The following HDAC9 variants were observed in gnomAD, a reference collection of about 807,000 sequenced individuals.
The protein encoded by HDAC9 is histone deacetylase 9.
In HDAC9, 41 loss-of-function variants were observed where a neutral mutation model predicts 139.4. That is an observed-to-expected ratio of 0.29 (90% confidence interval 0.23 to 0.38). HDAC9 has a LOEUF of 0.38. Ranked by LOEUF, HDAC9 falls within the 10% of genes least tolerant of loss-of-function variation. The pLI is 1.00. For synonymous variants in HDAC9, 517 were observed against 476.2 expected (o/e 1.09, Z -1.12); for missense variants, 1,147 against 1,297.0 (o/e 0.88, Z 1.78).
intron 1 of HDAC9, among the ~76,000 whole-genome samples, chr7:18,145,307 T>C (rs1408286251): frequency 1.3e-5 from 2 of 152,194 alleles, no homozygotes; most frequent in Non-Finnish European, 2.9e-5. Flanking sequence ...ATAAGCAAGA[T>C]AATCTCATGG....
At chr7:18,597,020 G>A (rs1432268670) in intron 6 of HDAC9, among the ~76,000 whole-genome samples, 2 of 152,132 alleles carry the variant, frequency 1.3e-5, no homozygotes, top group East Asian at 3.9e-4. Context: ...GTGATAACCC[G>A]GGAACAGTTA....
chr7:18,327,458 C>T (rs542730514), intron 1 of HDAC9: 1 of 151,828 alleles, frequency 6.6e-6, no homozygotes, highest in East Asian at 1.9e-4. Flanking sequence ...GATATGACAG[C>T]TGCATAGATT....
At chr7:18,284,274 ATG>A (rs1797293340) in intron 2 of HDAC9, among the ~76,000 whole-genome samples, 2 of 152,196 alleles carry the variant, frequency 1.3e-5, no homozygotes, top group African/African-American at 2.4e-5. Context: ...CAACACACAT[ATG>A]CACACACATA....
chr7:18,639,649 A>G (rs373620754), intron 8 of HDAC9, among the ~76,000 whole-genome samples: 12 of 152,160 alleles, frequency 7.9e-5, no homozygotes, highest in Admixed American at 5.2e-4. Context: ...CAATCTTGAA[A>G]AATCCCATGA....
chr7:18,400,356 A>G (rs1009090653), intron 1 of HDAC9, among the ~76,000 whole-genome samples: 1 of 152,162 alleles, frequency 6.6e-6, no homozygotes, highest in Non-Finnish European at 1.5e-5. Flanking sequence ...TGTATCAATG[A>G]TTTGGAGAGT....
intron 1 of HDAC9, among the ~76,000 whole-genome samples, chr7:18,459,181 AT>A (rs1404307252): frequency 8.6e-5 from 13 of 151,958 alleles, no homozygotes; most frequent in African/African-American, 2.9e-4. Flanking sequence ...TCGTGTTATA[AT>A]TTTTTATCTT....
intron 1 of HDAC9, among the ~76,000 whole-genome samples, chr7:18,124,297 G>A (rs1236592619): frequency 6.6e-6 from 1 of 152,166 alleles, no homozygotes; most frequent in East Asian, 1.9e-4. Flanking sequence ...CAATAGCCTA[G>A]GGCAAGGGCA....
At chr7:18,136,041 C>A (rs1785389454) in intron 1 of HDAC9, among the ~76,000 whole-genome samples, 1 of 147,324 alleles carries the variant, frequency 6.8e-6, no homozygotes, top group Admixed American at 6.7e-5. Flanking sequence ...ATTTGCATTT[C>A]TCTGATGGCC....
chr7:18,232,600 G>C (rs1225981023), intron 2 of HDAC9, among the ~76,000 whole-genome samples: 1 of 152,116 alleles, frequency 6.6e-6, no homozygotes, highest in Admixed American at 6.6e-5. Flanking sequence ...TAGAGGCATG[G>C]ATTCTAATGA....
chr7:18,652,498 A>T (rs968600368), intron 11 of HDAC9, among the ~76,000 whole-genome samples: 1 of 151,814 alleles, frequency 6.6e-6, no homozygotes, highest in African/African-American at 2.4e-5. Flanking sequence ...TAAAAAATAA[A>T]AGGGCAAATC....
intron 1 of HDAC9, among the ~76,000 whole-genome samples, chr7:18,088,553 A>G (rs1749681621): frequency 6.6e-6 from 1 of 152,216 alleles, no homozygotes; most frequent in Admixed American, 6.5e-5. Flanking sequence ...ATGCCCCAGA[A>G]ATCTTTCTAA....
chr7:18,250,810 C>T (rs1188315396), intron 2 of HDAC9, among the ~76,000 whole-genome samples: 1 of 151,954 alleles, frequency 6.6e-6, no homozygotes, highest in Non-Finnish European at 1.5e-5. Context: ...TTAGTAATAG[C>T]CATTCTGACT....
At chr7:18,696,626 C>T (rs1232817250) in intron 12 of HDAC9, among the ~76,000 whole-genome samples, 2 of 151,952 alleles carry the variant, frequency 1.3e-5, no homozygotes, top group African/African-American at 4.8e-5. Flanking sequence ...CGTCACCACG[C>T]CCAGCTAATT....
At chr7:18,412,386 A>G (rs1788652152) in intron 1 of HDAC9, among the ~76,000 whole-genome samples, 1 of 152,212 alleles carries the variant, frequency 6.6e-6, no homozygotes, top group South Asian at 2.1e-4. Flanking sequence ...TATCAATCAG[A>G]GGAGAAAACA....
chr7:18,732,719 A>G lies in HDAC9; in HGVS notation c.1909+4962A>G, dbSNP rs544206913. Among the ~76,000 whole-genome samples the G allele has an allele frequency of 3.3e-5, 3 of 90,988 alleles. 1 individual carries two copies. The highest frequency in any genetic ancestry group is 1.9e-4 in the African/African-American group (3 of 15,494). 59.7% of individuals were successfully genotyped at this position (90,988 alleles called of 152,430 possible). On this transcript the variant is annotated intron_variant, in intron 13 of 25. Transcript: ENST00000686413. The stretch of plus-strand genomic sequence containing the variant: ...CACACGTGTATGTGTGCGTATGTGT[A>G]CACACACACACGTGTATGTGTGCGT...
intron 4 of HDAC9, 108 bp downstream of exon 4, chr7:18,590,594 G>A (rs1830676212): frequency 9.1e-7 from 1 of 1,103,430 alleles, no homozygotes; most frequent in Non-Finnish European, 1.3e-6. Context: ...AAAATTATCT[G>A]TGTTTAATTA....
intron 12 of HDAC9, among the ~76,000 whole-genome samples, chr7:18,711,144 T>C (rs868569259): frequency 3.9e-5 from 6 of 152,346 alleles, no homozygotes; most frequent in Admixed American, 6.5e-5. Flanking sequence ...ACTACTGTTA[T>C]TGAAAATTTA....
intron 12 of HDAC9, among the ~76,000 whole-genome samples, chr7:18,677,006 A>C (rs1484186923): frequency 3.3e-5 from 5 of 151,930 alleles, no homozygotes; most frequent in Admixed American, 3.3e-4. Flanking sequence ...ATATCCATAC[A>C]AACTCCACTT....
intron 2 of HDAC9, among the ~76,000 whole-genome samples, chr7:18,514,268 A>G (rs1455741273): frequency 6.6e-6 from 1 of 152,216 alleles, no homozygotes; most frequent in Non-Finnish European, 1.5e-5. Context: ...AAATAGATGG[A>G]AAATTTGACT....
Sources: gnomAD v4.1 joint callset for allele counts (sites outside exome capture counted in the v4.1 genomes callset) on GRCh38, gnomAD v4.1.1 for gene constraint, MANE v1.5 for transcripts, NCBI Gene and HGNC (gene_info 2026-07-23, HGNC 2026-07-21) for gene names.